NFU1: variants seen among roughly 807,000 people sequenced by gnomAD.
NFU1 encodes the protein NFU1 iron-sulfur cluster scaffold homolog, mitochondrial.
In NFU1, 30 loss-of-function variants were observed where a neutral mutation model predicts 32.2. That is an observed-to-expected ratio of 0.93 (90% CI 0.70 to 1.26). The LOEUF is 1.26. Among genes scored for constraint, NFU1 ranks in the 50% most tolerant of loss-of-function variants. The pLI is 0.00. For missense variants in NFU1, 306 were observed against 306.6 expected (o/e 1.00, Z 0.02); for synonymous variants, 112 against 104.6 (o/e 1.07, Z -0.43).
At chr2:69,439,047 C>T (rs1673959906), upstream of NFU1, among the ~76,000 whole-genome samples, 1 of 151,970 alleles carries the variant, frequency 6.6e-6, no homozygotes. Flanking sequence ...TGATGGATTC[C>T]TTATCATAAG....
intron 5 of NFU1, among the ~76,000 whole-genome samples, chr2:69,408,634 C>G (rs1486517518): frequency 1.3e-5 from 2 of 151,440 alleles, no homozygotes; most frequent in Admixed American, 1.3e-4. Context: ...GCAGGAGAAT[C>G]ACTTGAACCC....
intron 2 of NFU1, among the ~76,000 whole-genome samples, 194 bp downstream of exon 2, chr2:69,431,708 T>C (rs1213803368): frequency 6.6e-6 from 1 of 152,230 alleles, no homozygotes; most frequent in Non-Finnish European, 1.5e-5. Flanking sequence ...TTCATAGATC[T>C]ATTGGACAAT....
rs1327312768 is a variant in NFU1, at chr2:69,413,287, A to C, written c.484+1898T>G. Among the ~76,000 whole-genome samples, 22 of 149,470 alleles carry C rather than the reference A, an allele frequency of 1.5e-4. No homozygotes were observed. The East Asian group carries it at 3.9e-3, about 27-fold the overall frequency. On this transcript the variant is annotated intron_variant, in intron 5 of 7. Coordinates refer to ENST00000410022, the MANE Select transcript of NFU1 (RefSeq NM_001002755.4). ...GCAACAAGAGCGAAACTCCGTTTCA[A>C]AAAAAAAAAAGAAAAAAAAACAAGG...
upstream of NFU1, among the ~76,000 whole-genome samples, chr2:69,439,291 A>C (rs149316175): frequency 0.12 from 18,676 of 152,154 alleles, 1,324 homozygotes; most frequent in Non-Finnish European, 0.16. Flanking sequence ...CGCTAACTTC[A>C]AGAATGAAGC....
rs564645239 is a variant in NFU1 at position 69,402,674 on chromosome 2, C to T, written c.546-2136G>A. On this transcript the variant is annotated intron_variant, in intron 6 of 7. Transcript: ENST00000410022. Reference sequence around the variant, plus strand: ...TCGGCTCACTGTAACCTCCGCCTCCCGGGTTCAAGGGATTCTCCTGCCTCA... The same window carrying T: ...TCGGCTCACTGTAACCTCCGCCTCCTGGGTTCAAGGGATTCTCCTGCCTCA... 2.0e-4 allele frequency among the ~76,000 whole-genome samples: 30 copies of T among 152,172 alleles called. No individual in the cohort carries two copies. The East Asian group carries it at 4.3e-3, about 22-fold the overall frequency.
chr2:69,401,166 A>C (rs904934929), intron 6 of NFU1, among the ~76,000 whole-genome samples: 5 of 152,176 alleles, frequency 3.3e-5, no homozygotes, highest in African/African-American at 1.2e-4. Context: ...CAGTTCACTA[A>C]GTTTTCACAA....
chr2:69,422,968 G>A (rs1673295304), intron 3 of NFU1, among the ~76,000 whole-genome samples: 1 of 149,350 alleles, frequency 6.7e-6, no homozygotes, highest in Admixed American at 6.7e-5. Context: ...CACCTCCTCA[G>A]CCTCCTCAAC....
intron 4 of NFU1, among the ~76,000 whole-genome samples, 184 bp downstream of exon 4, chr2:69,419,353 GA>G (rs1673165678): frequency 6.6e-6 from 1 of 151,958 alleles, no homozygotes; most frequent in South Asian, 2.1e-4. Context: ...AAAAGAAAAA[GA>G]AAAACATAGC....
At chr2:69,422,121 T>C (rs1673266351) in intron 3 of NFU1, among the ~76,000 whole-genome samples, 1 of 152,050 alleles carries the variant, frequency 6.6e-6, no homozygotes, top group African/African-American at 2.4e-5. Context: ...AGATGGCTTC[T>C]AAGTGATCAA....
chr2:69,410,505 T>G (rs1305401022), intron 5 of NFU1, among the ~76,000 whole-genome samples: 1 of 152,230 alleles, frequency 6.6e-6, no homozygotes, highest in Non-Finnish European at 1.5e-5. Flanking sequence ...CTGTGTGACC[T>G]TGAGCAAATT....
Position 69,419,608 on chromosome 2 carries a change from C to CA in NFU1, c.303-5dup, listed in dbSNP as rs753851157. On this transcript the variant is annotated splice_polypyrimidine_tract_variant and splice_region_variant and intron_variant, in intron 3 of 7. Transcript: ENST00000410022. Reference sequence around the variant, plus strand: ...TCCTTCAATCCTAAATAACTGCCTGCAAAAAAAGAAAAAATAAGAGATATT... The same window carrying CA: ...TCCTTCAATCCTAAATAACTGCCTGCAAAAAAAAGAAAAAATAAGAGATATT... 22 of 1,547,610 alleles carry CA rather than the reference C, an allele frequency of 1.4e-5. No individual in the cohort carries two copies. The highest frequency in any genetic ancestry group is 2.3e-5 in the South Asian group (2 of 87,206).
chr2:69,430,259 C>T (rs952051196), intron 2 of NFU1, among the ~76,000 whole-genome samples: 4 of 151,174 alleles, frequency 2.6e-5, no homozygotes, highest in African/African-American at 9.8e-5. Flanking sequence ...GCTGCCCAGG[C>T]TGAAGTGCAG....
rs767100000 is a variant in NFU1, at chr2:69,419,560, G to A, written c.347C>T (p.Pro116Leu). The change falls in exon 4 of 8, where the codon CCA (proline) becomes CTA (leucine). Residue 116 changes from proline to leucine, a missense_variant. Pro to Leu is a moderately conservative substitution (Grantham distance 98, BLOSUM62 -3). Coordinates refer to ENST00000410022, the MANE Select transcript of NFU1 (RefSeq NM_001002755.4). ...IEGVKSVFFG[P>L]DFITVTKENE... ...TACCTTTGTGACAGTGATGAAATCT[G>A]GTCCAAAGAAGACACTTTTTACTCC... The A allele has an allele frequency of 2.5e-6, 4 of 1,590,078 alleles. No individual in the cohort carries two copies. The South Asian group carries it at 4.4e-5, about 18-fold the overall frequency.
At chr2:69,426,328 C>A (rs566775920) in intron 2 of NFU1, among the ~76,000 whole-genome samples, 2 of 152,176 alleles carry the variant, frequency 1.3e-5, no homozygotes, top group African/African-American at 4.8e-5. Context: ...CTCTGTCGCC[C>A]AAGCTGGAGT....
At chr2:69,396,907 C>A (rs543458708) in intron 7 of NFU1, among the ~76,000 whole-genome samples, 1 of 151,784 alleles carries the variant, frequency 6.6e-6, no homozygotes, top group African/African-American at 2.4e-5. Flanking sequence ...CCCGTCTCTA[C>A]TAAAAATACA....
At chr2:69,439,151 A>G (rs865914943), upstream of NFU1, among the ~76,000 whole-genome samples, 2 of 151,966 alleles carry the variant, frequency 1.3e-5, no homozygotes, top group Non-Finnish European at 2.9e-5. Context: ...CTTAGTCTCT[A>G]GTTTTTCACT....
intron 1 of NFU1, among the ~76,000 whole-genome samples, chr2:69,432,624 T>C (rs1673677373): frequency 6.6e-6 from 1 of 151,920 alleles, no homozygotes; most frequent in South Asian, 2.1e-4. Context: ...TTATAACCCA[T>C]AGTCCCAGAC....
At chr2:69,426,262 G>A (rs1288204293) in intron 2 of NFU1, among the ~76,000 whole-genome samples, 1 of 152,108 alleles carries the variant, frequency 6.6e-6, no homozygotes, top group African/African-American at 2.4e-5. Flanking sequence ...GTGAGCCACT[G>A]TGCCTAGCCT....
At chr2:69,433,081 CGT>C (rs1673699955) in intron 1 of NFU1, among the ~76,000 whole-genome samples, 1 of 65,952 alleles carries the variant, frequency 1.5e-5, no homozygotes, top group African/African-American at 1.2e-4. Context: ...ACCCAGGAGG[CGT>C]AGGTTGCAGT....
Sources: allele counts gnomAD v4.1 joint callset (sites outside exome capture counted in the v4.1 genomes callset), GRCh38; gene constraint gnomAD v4.1.1; transcripts MANE v1.5; gene names NCBI Gene and HGNC (gene_info 2026-07-23, HGNC 2026-07-21).